Variants in SH3BGR observed in about 807,000 individuals in gnomAD.
SH3BGR encodes the protein SH3 domain binding glutamate rich protein.
In SH3BGR, 29 loss-of-function variants were observed where a neutral mutation model predicts 24.5. That is an observed-to-expected ratio of 1.18 (90% CI 0.88 to 1.61). SH3BGR has a LOEUF of 1.61. Ranked by LOEUF, SH3BGR falls within the 40% of genes most tolerant of loss-of-function variation. The pLI is 0.00. For synonymous variants in SH3BGR, 55 were observed against 65.7 expected (o/e 0.84, Z 0.79); for missense variants, 162 against 205.8 (o/e 0.79, Z 1.30).
At chr21:39,504,489 C>T (rs1232489658) in intron 4 of SH3BGR, among the ~76,000 whole-genome samples, 2 of 152,198 alleles carry the variant, frequency 1.3e-5, no homozygotes, top group African/African-American at 2.4e-5. Context: ...TCTGGCCACG[C>T]ACCACCTCTG....
chr21:39,511,152 G>T lies in SH3BGR; in HGVS notation c.436-528G>T, dbSNP rs923637000. Among the ~76,000 whole-genome samples the T allele has an allele frequency of 6.6e-6, 1 of 150,742 alleles. No individual in the cohort carries two copies. Among genetic ancestry groups the T allele is most frequent in the Non-Finnish European group, 1.5e-5 (1 of 67,586 alleles). On this transcript the variant is annotated intron_variant, in intron 5 of 6. Transcript: ENST00000333634. This position sits in a 1 kb window ranked among gnomAD's most constrained non-coding sequence, Gnocchi z 4.2. Reference sequence around the variant, plus strand: ...GTATGTGTGGTGTGTTGTATGTGTGGTGTATGTGTATTTGTGTGTGGTGTA... The same window carrying T: ...GTATGTGTGGTGTGTTGTATGTGTGTTGTATGTGTATTTGTGTGTGGTGTA...
chr21:39,469,011 GT>G (rs78313529), intron 2 of SH3BGR, among the ~76,000 whole-genome samples: 1,476 of 134,360 alleles, frequency 0.011, 20 homozygotes, highest in East Asian at 0.093. Flanking sequence ...AAGATGTCTA[GT>G]TTTTTTTTTT....
chr21:39,499,893 T>A lies in SH3BGR; in HGVS notation c.383T>A (p.Leu128His), dbSNP rs761226700. ...GAGGGCAGTGAAGATGTGGGCAACCTCCCTGAAGCCCAGGAGAAGAATGTG... is the reference window on the plus strand; with the variant it reads ...GAGGGCAGTGAAGATGTGGGCAACCACCCTGAAGCCCAGGAGAAGAATGTG... Reference protein sequence around the residue: ...QKEGSEDVGNLPEAQEKNEEE... With the variant: ...QKEGSEDVGNHPEAQEKNEEE... Residue 128 changes from leucine to histidine, a missense_variant, in exon 4 of 7, where the codon CTC (leucine) becomes CAC (histidine). Transcript: ENST00000333634. 2 of 1,612,926 alleles carry A rather than the reference T, an allele frequency of 1.2e-6. No homozygotes were observed. Among genetic ancestry groups the A allele is most frequent in the South Asian group, 2.2e-5 (2 of 91,036 alleles).
rs1279847138 is a variant in SH3BGR, at chr21:39,475,029, G to T, written c.232-106G>T. 2.1e-5 allele frequency: 14 copies of T among 661,082 alleles called. No homozygotes were observed. The Admixed American group carries it at 3.1e-4, about 15-fold the overall frequency. 41.0% of individuals were successfully genotyped at this position (661,082 alleles called of 1,614,324 possible). A position where few individuals can be genotyped will look rare whatever the true frequency, so the allele number is the denominator to read the frequency against. On this transcript the variant is annotated intron_variant, in intron 2 of 6. Coordinates refer to ENST00000333634, the MANE Select transcript of SH3BGR (RefSeq NM_007341.3). ...AAAGCAAACTGGGATGACTTTTTGTGTGAGCTCCTAACTTAAGGACTAAGA... is the reference window on the plus strand; with the variant it reads ...AAAGCAAACTGGGATGACTTTTTGTTTGAGCTCCTAACTTAAGGACTAAGA...
chr21:39,511,678 A>G lies in SH3BGR; in HGVS notation c.436-2A>G, dbSNP rs2078698128. 1.2e-6 allele frequency: 2 copies of G among 1,610,640 alleles called. No homozygotes were observed. The highest frequency in any genetic ancestry group is 2.2e-5 in the South Asian group (2 of 90,720). On this transcript the variant is annotated splice_acceptor_variant, in intron 5 of 6. Transcript: ENST00000333634. LOFTEE classifies it high-confidence loss of function. This position sits in a 1 kb window ranked among gnomAD's most constrained non-coding sequence, Gnocchi z 4.2. Reference sequence around the variant, plus strand: ...TACTAATGTAAGTTTTGTTAAAATAAGACGGAAGAAATAGCCATGGAGGGT... The same window carrying G: ...TACTAATGTAAGTTTTGTTAAAATAGGACGGAAGAAATAGCCATGGAGGGT...
intron 5 of SH3BGR, among the ~76,000 whole-genome samples, chr21:39,510,437 C>CACACACACACACTGTAGCT (rs2078664809): frequency 9.7e-6 from 1 of 102,716 alleles, no homozygotes; most frequent in African/African-American, 4.6e-5. Context: ...GCTACACACA[C>CACACACACACACTGTAGCT]ACACACACAC....
chr21:39,455,899 G>T (rs978151220), intron 1 of SH3BGR, among the ~76,000 whole-genome samples: 3 of 152,096 alleles, frequency 2.0e-5, no homozygotes, highest in African/African-American at 7.2e-5. Flanking sequence ...CTTTTTTGGG[G>T]ATGAGGGCTG....
At chr21:39,479,224 GGGTGGTGGTGGTGGT>G (rs973677506) in intron 3 of SH3BGR, among the ~76,000 whole-genome samples, 10 of 137,580 alleles carry the variant, frequency 7.3e-5, no homozygotes, top group South Asian at 4.4e-4. Context: ...GAGGTGGTAA[GGGTGGTGGTGGTGGT>G]GGTGGTGGTG....
chr21:39,474,521 G>A (rs1019835703), intron 2 of SH3BGR, among the ~76,000 whole-genome samples: 1 of 152,182 alleles, frequency 6.6e-6, no homozygotes, highest in Non-Finnish European at 1.5e-5. Flanking sequence ...GGTGGTTTAG[G>A]GCTGGACCTG....
chr21:39,490,030 T>A (rs2078273250), intron 3 of SH3BGR, among the ~76,000 whole-genome samples: 1 of 152,220 alleles, frequency 6.6e-6, no homozygotes, highest in African/African-American at 2.4e-5. Context: ...GAAATAAGTG[T>A]AAGTGTTCGA....
chr21:39,492,647 G>A (rs527628829), intron 3 of SH3BGR, among the ~76,000 whole-genome samples: 1 of 152,186 alleles, frequency 6.6e-6, no homozygotes, highest in South Asian at 2.1e-4. Flanking sequence ...CCAGTAGTGG[G>A]ATTTCTGGAT....
chr21:39,505,710 A>G (rs2078570579), intron 4 of SH3BGR, among the ~76,000 whole-genome samples: 1 of 152,134 alleles, frequency 6.6e-6, no homozygotes, highest in South Asian at 2.1e-4. Context: ...GGTTGCAGTG[A>G]GCTGAGATTG....
At position 39,452,093 on chromosome 21, in the gene SH3BGR, C is replaced by T. The variant is rs751296272; in HGVS notation, c.-4C>T. 19 of 1,614,094 alleles carry T rather than the reference C, an allele frequency of 1.2e-5. No individual in the cohort carries two copies. The highest frequency in any genetic ancestry group is 1.4e-5 in the Non-Finnish European group (16 of 1,179,984). On this transcript the variant is annotated 5_prime_UTR_variant, in exon 1 of 7. Transcript: ENST00000333634. ...TGGGGGGAGTCCTCTTTCCAACTGT[C>T]GAAATGGTTATCAAAGTGTTTGTTG...
intron 3 of SH3BGR, among the ~76,000 whole-genome samples, chr21:39,486,411 T>A (rs183987012): frequency 1.3e-5 from 2 of 152,310 alleles, no homozygotes; most frequent in African/African-American, 4.8e-5. Flanking sequence ...CAACAATAAG[T>A]GGGCATAGCA....
intron 5 of SH3BGR, among the ~76,000 whole-genome samples, chr21:39,509,423 C>T (rs1360756989): frequency 1.1e-4 from 17 of 150,224 alleles, no homozygotes; most frequent in African/African-American, 4.2e-4. Flanking sequence ...GGGAGGGATT[C>T]CACCTATGTT....
intron 2 of SH3BGR, among the ~76,000 whole-genome samples, chr21:39,465,312 G>A (rs2077822629): frequency 6.6e-6 from 1 of 152,174 alleles, no homozygotes; most frequent in African/African-American, 2.4e-5. Flanking sequence ...GGAGGGCTCT[G>A]TACTTGTTTA....
At chr21:39,501,483 AT>A in intron 4 of SH3BGR, among the ~76,000 whole-genome samples, 1 of 152,252 alleles carries the variant, frequency 6.6e-6, no homozygotes, top group Middle Eastern at 3.4e-3. Flanking sequence ...ATTTTTTGTT[AT>A]TTTTGTGTGG....
Position 39,457,817 on chromosome 21 carries a change from G to A in SH3BGR, c.46-4558G>A, listed in dbSNP as rs145022964. On this transcript the variant is annotated intron_variant, in intron 1 of 6. Transcript: ENST00000333634. ...TGTGCGTCCATAGTGCCAGCTATTCGGGAGGCTGAGGTGGGAGAATCACTT... is the reference window on the plus strand; with the variant it reads ...TGTGCGTCCATAGTGCCAGCTATTCAGGAGGCTGAGGTGGGAGAATCACTT... 9.2e-5 allele frequency among the ~76,000 whole-genome samples: 14 copies of A among 151,874 alleles called. No individual in the cohort carries two copies. The East Asian group carries it at 1.5e-3, about 17-fold the overall frequency.
intron 3 of SH3BGR, among the ~76,000 whole-genome samples, chr21:39,493,976 T>C (rs1327147564): frequency 1.3e-5 from 2 of 152,164 alleles, no homozygotes; most frequent in Non-Finnish European, 2.9e-5. Context: ...CTGGAAACTT[T>C]GCTGAATTCT....
Sources: gnomAD v4.1 joint callset for allele counts (sites outside exome capture counted in the v4.1 genomes callset) on GRCh38, gnomAD v4.1.1 for gene constraint, Gnocchi (gnomAD v3.1) non-coding constraint, MANE v1.5 for transcripts, NCBI Gene and HGNC (gene_info 2026-07-23, HGNC 2026-07-21) for gene names.